Variants in CFAP92 observed in about 807,000 individuals in gnomAD.
The protein encoded by CFAP92 is cilia and flagella associated protein 92 (putative), also known as uncharacterized protein CFAP92.
CFAP92 carries 86 observed loss-of-function variants against 106.3 expected under a neutral mutation model. That is an observed-to-expected ratio of 0.81 (90% CI 0.68 to 0.97). CFAP92 has a LOEUF of 0.97. CFAP92 is among the 50% of genes least tolerant of loss of function. CFAP92 has a pLI of 0.00. For synonymous variants in CFAP92, 477 were observed against 506.4 expected, an observed-to-expected ratio of 0.94 and a Z score of 0.78; for missense variants, 1,204 against 1,283.8, an observed-to-expected ratio of 0.94 and a Z score of 0.95.
the CFAP92 span, among the ~76,000 whole-genome samples, chr3:129,012,452 C>T: frequency 2.0e-4 from 31 of 152,144 alleles, no homozygotes; most frequent in Admixed American, 6.5e-4. Flanking sequence ...TCTACTCGCT[C>T]CTGCTCCACA....
At chr3:128,937,114 A>G (rs1446317490) in intron 10 of CFAP92, among the ~76,000 whole-genome samples, 1 of 151,670 alleles carries the variant, frequency 6.6e-6, no homozygotes, top group Non-Finnish European at 1.5e-5. Flanking sequence ...CAGCCTTGGC[A>G]ACCTGGTGAA....
intron 9 of CFAP92, among the ~76,000 whole-genome samples, chr3:128,956,158 C>A (rs1371667823): frequency 2.8e-5 from 2 of 71,824 alleles, no homozygotes; most frequent in South Asian, 5.7e-4. Context: ...GAGAAACACC[C>A]AAGAATTATC....
chr3:128,924,271 G>C (rs1045847693), intron 12 of CFAP92, among the ~76,000 whole-genome samples: 5 of 151,792 alleles, frequency 3.3e-5, no homozygotes, highest in Non-Finnish European at 7.4e-5. Flanking sequence ...AGGGTGGAAG[G>C]CTGCCCTGCT....
chr3:128,945,833 C>T lies in CFAP92; in HGVS notation c.1496G>A (p.Arg499Lys). 1.3e-6 allele frequency: 2 copies of T among 1,515,864 alleles called. No homozygotes were observed. Among genetic ancestry groups the T allele is most frequent in the Non-Finnish European group, 1.8e-6 (2 of 1,138,018 alleles). The allele number at this position is 1,515,864 out of a possible 1,614,324, so 93.9% of individuals were successfully genotyped here. ...CATGGGGGGGCCCTCCAGGTATTCC[C>T]TTAGGTCACTGGGGTGCAGTGCCCC... is the stretch of plus-strand genomic sequence containing the variant. ...FLGALHPSDL[R>K]EYLEGPPMVV... The change falls in exon 10 of 16, where the codon AGG becomes AAG. Residue 499 changes from arginine to lysine, a missense_variant. By Grantham distance (26) the Arg-to-Lys change is conservative (BLOSUM62 2). Transcript: ENST00000645291.
intron 9 of CFAP92, among the ~76,000 whole-genome samples, chr3:128,962,314 C>T (rs910667158): frequency 6.6e-6 from 1 of 152,132 alleles, no homozygotes; most frequent in African/African-American, 2.4e-5. Context: ...TTTTCAAGGG[C>T]CTGTTTCCCT....
At chr3:129,005,491 G>GAACATGA (rs546645857), upstream of CFAP92, among the ~76,000 whole-genome samples, 401 of 152,360 alleles carry the variant, frequency 2.6e-3, 1 homozygote, top group African/African-American at 9.4e-3. Context: ...TTAAGAGAAA[G>GAACATGA]AACATGAAAC....
intron 11 of CFAP92, among the ~76,000 whole-genome samples, 193 bp from the exon 12 acceptor site, chr3:128,933,190 T>C (rs1351043108): frequency 6.6e-6 from 1 of 152,106 alleles, no homozygotes. Flanking sequence ...TTCTCCATCT[T>C]CTCCCCAGCC....
Position 128,977,152 on chromosome 3 carries a change from T to C in CFAP92, c.809-86A>G. On this transcript the variant is annotated intron_variant, in intron 5 of 15. Transcript: ENST00000645291. ...GGGCCCCTGACCCATTTCTGTAATGTCAGTCTCTATGCAGAAGGCCTGGGA... is the reference window on the plus strand; with the variant it reads ...GGGCCCCTGACCCATTTCTGTAATGCCAGTCTCTATGCAGAAGGCCTGGGA... 4 of 995,334 alleles carry C rather than the reference T, an allele frequency of 4.0e-6. No homozygotes were observed. In the East Asian group the frequency reaches 9.9e-5, roughly 25 times the overall value. The allele number at this position is 995,334 out of a possible 1,614,324, so 61.7% of individuals were successfully genotyped here.
In CFAP92 at chr3:128,912,062, T is replaced by C. The variant is rs986579375; in HGVS notation, c.3281-1729A>G. ...TCAGTGTCCCCACAAAGCCCAGTCG[T>C]GTTGCCAAGTGATGGGTGTAGGCGC... On this transcript the variant is annotated intron_variant, in intron 15 of 15. Transcript: ENST00000645291. 2.6e-5 allele frequency among the ~76,000 whole-genome samples: 4 copies of C among 152,356 alleles called. No homozygotes were observed. In the South Asian group the frequency reaches 8.3e-4, roughly 32 times the overall value.
the CFAP92 span, among the ~76,000 whole-genome samples, chr3:129,025,362 C>T: frequency 9.9e-5 from 15 of 152,156 alleles, no homozygotes; most frequent in African/African-American, 1.7e-4. Context: ...AGCAGTCTCC[C>T]GGAAGCCACG....
chr3:128,945,767 C>T lies in CFAP92; in HGVS notation c.1562G>A (p.Cys521Tyr), dbSNP rs1365719967. Residue 521 changes from cysteine (C) to tyrosine (Y), a missense_variant, in exon 10 of 16, where the codon TGT becomes TAT. Transcript: ENST00000645291. Reference sequence around the variant, plus strand: ...CCCAAACAGCACGGGCTTCTGAGAACACTCCTCTGACTTGCGGTCCCGGTC... The same window carrying T: ...CCCAAACAGCACGGGCTTCTGAGAATACTCCTCTGACTTGCGGTCCCGGTC... ...VHDRDRKSEE[C>Y]SQKPVLFGED... 5.2e-6 allele frequency: 8 copies of T among 1,534,342 alleles called. No homozygotes were observed. Among genetic ancestry groups the T allele is most frequent in the Non-Finnish European group, 7.0e-6 (8 of 1,146,050 alleles).
intron 12 of CFAP92, among the ~76,000 whole-genome samples, chr3:128,930,472 T>C (rs1377793365): frequency 1.3e-5 from 2 of 151,834 alleles, no homozygotes; most frequent in Non-Finnish European, 2.9e-5. Context: ...TAAAAACCCT[T>C]CCTCATGGCC....
At chr3:128,956,871 T>A (rs1308812205) in intron 9 of CFAP92, among the ~76,000 whole-genome samples, 1 of 149,920 alleles carries the variant, frequency 6.7e-6, no homozygotes, top group Non-Finnish European at 1.5e-5. Flanking sequence ...TCCCAGCTAC[T>A]CAGGAGGCTG....
At chr3:128,983,931 G>C (rs1049492561) in intron 4 of CFAP92, among the ~76,000 whole-genome samples, 1 of 152,228 alleles carries the variant, frequency 6.6e-6, no homozygotes, top group Non-Finnish European at 1.5e-5. Flanking sequence ...AGGGCCGAAG[G>C]GGAGACAGAG....
chr3:128,934,625 G>T (rs143158872), intron 11 of CFAP92, among the ~76,000 whole-genome samples: 4 of 152,080 alleles, frequency 2.6e-5, no homozygotes, highest in African/African-American at 9.7e-5. Context: ...CTGCCTTCCA[G>T]GTTCAAGAGA....
At chr3:128,938,522 C>T (rs1231681815) in intron 10 of CFAP92, among the ~76,000 whole-genome samples, 11 of 145,804 alleles carry the variant, frequency 7.5e-5, no homozygotes, top group African/African-American at 2.8e-4. Context: ...GAGATGGAGT[C>T]TCGCTCTGTC....
At chr3:128,936,578 AG>A (rs1416302336) in intron 10 of CFAP92, among the ~76,000 whole-genome samples, 3 of 152,164 alleles carry the variant, frequency 2.0e-5, no homozygotes, top group Admixed American at 1.3e-4. Flanking sequence ...CTGGCTGCTG[AG>A]GCTGCCTGCT....
At chr3:129,001,809 GAGGTCTTCCACCACC>G (rs1426401714) in intron 1 of CFAP92, 1 of 1,545,520 alleles carries the variant, frequency 6.5e-7, no homozygotes, top group Admixed American at 2.0e-5. Context: ...GTACCTGCAG[GAGGTCTTCCACCACC>G]TGGACTGCCG....
rs140867838 is a variant in CFAP92, at chr3:128,986,193, G to T, written c.667+1423C>A. Among the ~76,000 whole-genome samples, 4 of 151,740 alleles carry T rather than the reference G, an allele frequency of 2.6e-5. No individual in the cohort carries two copies. The South Asian group carries it at 8.3e-4, about 32-fold the overall frequency. On this transcript the variant is annotated intron_variant, in intron 4 of 15. Coordinates refer to ENST00000645291, the MANE Select transcript of CFAP92 (RefSeq NM_001394090.1). Reference sequence around the variant, plus strand: ...TACTCGTCTGGAAGGTGCTGACAACGATAATAGTACCATATATCATTGATT... The same window carrying T: ...TACTCGTCTGGAAGGTGCTGACAACTATAATAGTACCATATATCATTGATT...
Sources: gnomAD v4.1 joint callset for allele counts (sites outside exome capture counted in the v4.1 genomes callset) on GRCh38, gnomAD v4.1.1 for gene constraint, MANE v1.5 for transcripts, NCBI Gene and HGNC (gene_info 2026-07-23, HGNC 2026-07-21) for gene names.